Variants in REEP2 observed in about 807,000 individuals in gnomAD.
The protein encoded by REEP2 is receptor expression-enhancing protein 2.
REEP2 carries 9 observed loss-of-function variants against 32.1 expected under a neutral mutation model. That is an observed-to-expected ratio of 0.28 (90% CI 0.17 to 0.49). REEP2 has a LOEUF of 0.49. Ranked by LOEUF, REEP2 falls within the 20% of genes least tolerant of loss-of-function variation. REEP2 has a pLI of 0.99. For synonymous variants in REEP2, 128 were observed against 139.1 expected, an observed-to-expected ratio of 0.92 and a Z score of 0.56; for missense variants, 236 against 338.0, an observed-to-expected ratio of 0.70 and a Z score of 2.37.
At chr5:138,440,793 C>T (rs573905134) in intron 1 of REEP2, 14 of 835,544 alleles carry the variant, frequency 1.7e-5, no homozygotes, top group East Asian at 2.7e-5. Context: ...TCCCTGCCTC[C>T]GGGGCTAGAG....
In REEP2 at chr5:138,444,449, G is replaced by T; in HGVS notation, c.217G>T (p.Val73Leu). The change falls in exon 4 of 8, where the codon GTG (valine) becomes TTG (leucine). Residue 73 changes from valine (V) to leucine (L), a missense_variant. By Grantham distance (32) the Val-to-Leu change is conservative. Coordinates refer to ENST00000378339, the MANE Select transcript of REEP2 (RefSeq NM_001271803.2). ...CTACTTTGAACTGAAGATCGCCTTC[G>T]TGATATGGCTGCTGTCCCCTTACAC... ...PFYFELKIAFVIWLLSPYTKG... is the reference protein window; with the variant it reads ...PFYFELKIAFLIWLLSPYTKG... The T allele has an allele frequency of 6.2e-7, 1 of 1,614,086 alleles. No individual in the cohort carries two copies.
chr5:138,439,273 C>G (rs552823337), intron 1 of REEP2, 33 bp downstream of exon 1: 7 of 1,426,332 alleles, frequency 4.9e-6, no homozygotes, highest in Non-Finnish European at 6.4e-6. Flanking sequence ...GTGATGCGGG[C>G]TGTGATGGAG....
chr5:138,439,346 G>A, intron 1 of REEP2, 106 bp downstream of exon 1: 1 of 1,203,780 alleles, frequency 8.3e-7, no homozygotes. Context: ...TCACCTAAAG[G>A]CGCTGCGTCC....
chr5:138,442,806 A>T (rs1489453206), intron 3 of REEP2, among the ~76,000 whole-genome samples: 1 of 150,276 alleles, frequency 6.7e-6, no homozygotes, highest in Non-Finnish European at 1.5e-5. Flanking sequence ...GCTTGCAGTG[A>T]GTCGAGATCG....
intron 1 of REEP2, among the ~76,000 whole-genome samples, chr5:138,440,120 G>T (rs1041107775): frequency 6.6e-6 from 1 of 152,202 alleles, no homozygotes; most frequent in African/African-American, 2.4e-5. Flanking sequence ...GGGGCTCCTC[G>T]TGGTTCTCGG....
In REEP2 at chr5:138,445,842, A is replaced by G; in HGVS notation, c.*91A>G. The G allele has an allele frequency of 1.6e-6, 2 of 1,270,504 alleles. No homozygotes were observed. The highest frequency in any genetic ancestry group is 2.2e-6 in the Non-Finnish European group (2 of 916,032). 78.7% of individuals were successfully genotyped at this position (1,270,504 alleles called of 1,614,324 possible). A position where few individuals can be genotyped will look rare whatever the true frequency, so the allele number is the denominator to read the frequency against. On this transcript the variant is annotated 3_prime_UTR_variant, in exon 8 of 8. Coordinates refer to ENST00000378339, the MANE Select transcript of REEP2 (RefSeq NM_001271803.2). ...CTGCTCCACACTGTGCCAGTAGCCTAGGTGTCTCAGGCCCCTGGGCCCCGC... is the reference window on the plus strand; with the variant it reads ...CTGCTCCACACTGTGCCAGTAGCCTGGGTGTCTCAGGCCCCTGGGCCCCGC...
intron 5 of REEP2, 116 bp downstream of exon 5, chr5:138,444,983 C>G: frequency 1.2e-6 from 1 of 810,976 alleles, no homozygotes. Context: ...GCTCATGCAG[C>G]TGGAGGCTCC....
intron 1 of REEP2, 54 bp downstream of exon 1, chr5:138,439,294 T>C: frequency 7.1e-7 from 1 of 1,408,716 alleles, no homozygotes; most frequent in Non-Finnish European, 9.3e-7. Context: ...GGCGGGGGTG[T>C]TAAAGCCCGG....
intron 4 of REEP2, 73 bp from the exon 5 acceptor site, chr5:138,444,681 G>C (rs2127025275): frequency 6.4e-7 from 1 of 1,562,374 alleles, no homozygotes; most frequent in East Asian, 2.3e-5. Context: ...GGAGCAGGCA[G>C]GGGCCTCTGT....
Position 138,441,294 on chromosome 5 carries a change from C to G in REEP2, c.106-91C>G. 1 of 1,351,098 alleles carries G rather than the reference C, an allele frequency of 7.4e-7. No homozygotes were observed. Among genetic ancestry groups the G allele is most frequent in the Non-Finnish European group, 1.1e-6 (1 of 941,462 alleles). The allele number at this position is 1,351,098 out of a possible 1,614,324, so 83.7% of individuals were successfully genotyped here. Reference sequence around the variant, plus strand: ...GTGGGGTCCTTGGTGTTCTCCCCAGCCCAGGCATGTTCAACAGGCAGAGCT... The same window carrying G: ...GTGGGGTCCTTGGTGTTCTCCCCAGGCCAGGCATGTTCAACAGGCAGAGCT... On this transcript the variant is annotated intron_variant, in intron 2 of 7. Transcript: ENST00000378339. The surrounding 1 kb of genome is among the most constrained non-coding windows in gnomAD (Gnocchi z 4.4).
chr5:138,440,752 A>T (rs1262521765), intron 1 of REEP2, among the ~76,000 whole-genome samples: 1 of 152,146 alleles, frequency 6.6e-6, no homozygotes, highest in Admixed American at 6.5e-5. Context: ...GGCGCAAGGG[A>T]CTACATTGGA....
In REEP2 at chr5:138,445,587, C is replaced by T. The variant is rs1279809580; in HGVS notation, c.685C>T (p.Pro229Ser). ...GAGGGCCAAACCCATCAAAAAAGCG[C>T]CCAAAGCTGAGGTGAGGGCACTGGC... ...PKRAKPIKKAPKAEPLASKTL... is the reference protein window; with the variant it reads ...PKRAKPIKKASKAEPLASKTL... The change falls in exon 7 of 8, where the codon CCC becomes TCC. Residue 229 changes from proline to serine, a missense_variant. By Grantham distance (74) the Pro-to-Ser change is moderately conservative. Transcript: ENST00000378339. 3 of 1,614,214 alleles carry T rather than the reference C, an allele frequency of 1.9e-6. No homozygotes were observed. Among genetic ancestry groups the T allele is most frequent in the South Asian group, 2.2e-5 (2 of 91,090 alleles).
At position 138,445,878 on chromosome 5, in the gene REEP2, T is replaced by G; in HGVS notation, c.*127T>G. 7.1e-6 allele frequency: 6 copies of G among 847,554 alleles called. No individual in the cohort carries two copies. The highest frequency in any genetic ancestry group is 7.3e-6 in the Non-Finnish European group (4 of 548,504). The allele number at this position is 847,554 out of a possible 1,614,324, so 52.5% of individuals were successfully genotyped here. On this transcript the variant is annotated 3_prime_UTR_variant, in exon 8 of 8. Transcript: ENST00000378339. ...GCCCCTGGGCCCCGCAGATGGCCAT[T>G]TCCGGTGCCTGCCCAGTGGCCACTC...
chr5:138,439,723 C>T, intron 1 of REEP2: 1 of 456,898 alleles, frequency 2.2e-6, no homozygotes, highest in Non-Finnish European at 4.4e-6. Flanking sequence ...CTCCCTTCCA[C>T]TCACTGTCAG....
intron 5 of REEP2, 52 bp downstream of exon 5, chr5:138,444,919 C>G: frequency 7.3e-7 from 1 of 1,368,230 alleles, no homozygotes; most frequent in Non-Finnish European, 1.0e-6. Flanking sequence ...GTACAAAGGG[C>G]CCTGGCCAGG....
At position 138,445,813 on chromosome 5, in the gene REEP2, GC is replaced by G. The variant is rs1280748127; in HGVS notation, c.*66del. On this transcript the variant is annotated 3_prime_UTR_variant, in exon 8 of 8. Transcript: ENST00000378339. ...AGCCTCAGGAGGGGCCTCAGACCCA[GC>G]CCCTGCTCCACACTGTGCCAGTAGC... 3 of 1,512,534 alleles carry G rather than the reference GC, an allele frequency of 2.0e-6. No individual in the cohort carries two copies. In the Admixed American group the frequency reaches 5.6e-5, roughly 28 times the overall value. The allele number at this position is 1,512,534 out of a possible 1,614,324, so 93.7% of individuals were successfully genotyped here.
Position 138,444,857 on chromosome 5 carries a change from C to T in REEP2, c.407C>T (p.Ala136Val). 6.2e-7 allele frequency: 1 copy of T among 1,612,014 alleles called. No individual in the cohort carries two copies. The highest frequency in any genetic ancestry group is 8.5e-7 in the Non-Finnish European group (1 of 1,178,952). The change falls in exon 5 of 8, where the codon GCT becomes GTT. Residue 136 changes from alanine to valine, a missense_variant. Ala to Val is a moderately conservative substitution (Grantham distance 64). Transcript: ENST00000378339. ...LNLAANAAVT[A>V]AAKGQGVLSE... ...CTTGCCGCCAATGCTGCAGTCACAG[C>T]TGCCGCCAAGGTGAGATGGGGGCAG...
At chr5:138,444,228 T>C (rs895564996) in intron 3 of REEP2, 187 bp from the exon 4 acceptor site, 38 of 581,712 alleles carry the variant, frequency 6.5e-5, no homozygotes, top group African/African-American at 5.7e-4. Context: ...ACCTTCCTGT[T>C]TGGAGCTTCA....
At position 138,444,456 on chromosome 5, in the gene REEP2, G is replaced by C; in HGVS notation, c.224G>C (p.Trp75Ser). The C allele has an allele frequency of 6.2e-7, 1 of 1,614,052 alleles. No individual in the cohort carries two copies. Among genetic ancestry groups the C allele is most frequent in the Non-Finnish European group, 8.5e-7 (1 of 1,179,988 alleles). Reference sequence around the variant, plus strand: ...GAACTGAAGATCGCCTTCGTGATATGGCTGCTGTCCCCTTACACCAAGGGC... The same window carrying C: ...GAACTGAAGATCGCCTTCGTGATATCGCTGCTGTCCCCTTACACCAAGGGC... ...YFELKIAFVI[W>S]LLSPYTKGSS... is the part of the protein sequence containing the mutation. Residue 75 changes from tryptophan to serine, a missense_variant, in exon 4 of 8, where the codon TGG becomes TCG. Coordinates refer to ENST00000378339, the MANE Select transcript of REEP2 (RefSeq NM_001271803.2).
Sources: allele counts gnomAD v4.1 joint callset (sites outside exome capture counted in the v4.1 genomes callset), GRCh38; gene constraint gnomAD v4.1.1; non-coding constraint Gnocchi (gnomAD v3.1); transcripts MANE v1.5; gene names NCBI Gene and HGNC (gene_info 2026-07-23, HGNC 2026-07-21).